The following ANKRD30B variants were observed in gnomAD, a reference collection of about 807,000 sequenced individuals.
ANKRD30B encodes the protein ankyrin repeat domain 30B.
Under a neutral mutation model 202.2 loss-of-function variants are expected in ANKRD30B, and 144 were observed. That is an observed-to-expected ratio of 0.71 (90% CI 0.62 to 0.82). The LOEUF (loss-of-function observed/expected upper bound fraction) is 0.82, where lower values mean the gene tolerates loss of function less well. Ranked by LOEUF, ANKRD30B falls within the 40% of genes least tolerant of loss-of-function variation. The pLI is 0.00. For synonymous variants in ANKRD30B, 508 were observed against 561.3 expected (o/e 0.91, Z 1.34); for missense variants, 1,487 against 1,669.1 (o/e 0.89, Z 1.90).
Position 14,850,380 on chromosome 18 carries a change from C to G in ANKRD30B, c.3562C>G (p.Gln1188Glu). 1.3e-6 allele frequency: 2 copies of G among 1,524,800 alleles called. No individual in the cohort carries two copies. The highest frequency in any genetic ancestry group is 1.8e-6 in the Non-Finnish European group (2 of 1,142,476). The allele number at this position is 1,524,800 out of a possible 1,614,324, so 94.5% of individuals were successfully genotyped here. Residue 1188 changes from glutamine (Q) to glutamate (E), a missense_variant and splice_region_variant, in exon 41 of 44, where the codon CAG (glutamine) becomes GAG (glutamate). Coordinates refer to ENST00000690538, the MANE Select transcript of ANKRD30B (RefSeq NM_001367607.2). ...ELKSVTSNLN[Q>E]VSHTHESEND... The stretch of plus-strand genomic sequence containing the variant: ...GAAAAGTGTAACAAGTAATTTGAAT[C>G]AGGTAAATCAATCTCTGGCAAAAAT...
chr18:14,790,967 T>C (rs1434940008), intron 15 of ANKRD30B, among the ~76,000 whole-genome samples: 1 of 152,216 alleles, frequency 6.6e-6, no homozygotes, highest in Non-Finnish European at 1.5e-5. Flanking sequence ...GAACGAATGG[T>C]ACCAGTTCCT....
chr18:14,817,904 G>A (rs962738453), intron 30 of ANKRD30B, among the ~76,000 whole-genome samples: 2 of 152,110 alleles, frequency 1.3e-5, no homozygotes, highest in Admixed American at 6.5e-5. Flanking sequence ...ATATGGTCAT[G>A]TATTTAGCCT....
the ANKRD30B span, among the ~76,000 whole-genome samples, chr18:14,899,919 G>A: frequency 6.6e-6 from 1 of 152,034 alleles, no homozygotes; most frequent in African/African-American, 2.4e-5. Flanking sequence ...GAACATCATT[G>A]TGACTTCATT....
chr18:14,825,915 C>T (rs1333322162), intron 32 of ANKRD30B, among the ~76,000 whole-genome samples: 2 of 152,120 alleles, frequency 1.3e-5, no homozygotes, highest in Non-Finnish European at 2.9e-5. Flanking sequence ...TAAGTTTCCA[C>T]ATGGGGAATG....
the ANKRD30B span, among the ~76,000 whole-genome samples, chr18:14,937,368 C>T: frequency 3.3e-5 from 5 of 152,272 alleles, no homozygotes; most frequent in South Asian, 2.1e-4. Flanking sequence ...TTAGAGTAAA[C>T]GGGGGTTCAG....
chr18:14,871,119 A>G, the ANKRD30B span, among the ~76,000 whole-genome samples: 55 of 96,214 alleles, frequency 5.7e-4, 1 homozygote, highest in African/African-American at 2.3e-3. Context: ...ACACACTCTC[A>G]CCCACACACC....
At chr18:14,879,736 A>AGGGTTAG in the ANKRD30B span, among the ~76,000 whole-genome samples, 2 of 134,558 alleles carry the variant, frequency 1.5e-5, no homozygotes, top group African/African-American at 2.8e-5. Context: ...TTAAGGGTCC[A>AGGGTTAG]GGGTTAGGGG....
the ANKRD30B span, among the ~76,000 whole-genome samples, chr18:14,910,997 T>G: frequency 6.6e-6 from 1 of 152,214 alleles, no homozygotes; most frequent in Non-Finnish European, 1.5e-5. Context: ...TTGAACTGTT[T>G]GAGTTTCTTT....
At chr18:14,777,918 G>A in intron 9 of ANKRD30B, 67 bp from the exon 10 acceptor site, 1 of 1,151,062 alleles carries the variant, frequency 8.7e-7, no homozygotes, top group Non-Finnish European at 1.3e-6. Flanking sequence ...GCCACCCTGT[G>A]AGACTTCATC....
chr18:14,902,442 A>G, the ANKRD30B span, among the ~76,000 whole-genome samples: 2 of 152,182 alleles, frequency 1.3e-5, no homozygotes, highest in Non-Finnish European at 2.9e-5. Context: ...TAAAGATTGA[A>G]CCTGAAATTC....
Position 14,763,780 on chromosome 18 carries a change from G to A in ANKRD30B, c.915G>A (p.Glu305=). ...AESLLEKTPD[E]AARLVEGTSA... ...GCTTGCTGGAAAAAACACCTGACGAGGCTGCACGCTTGGTGGAGGGAACGT... is the reference window on the plus strand; with the variant it reads ...GCTTGCTGGAAAAAACACCTGACGAAGCTGCACGCTTGGTGGAGGGAACGT... The change falls in exon 7 of 44, where the codon GAG becomes GAA. Residue 305 remains glutamate, a synonymous_variant. Coordinates refer to ENST00000690538, the MANE Select transcript of ANKRD30B (RefSeq NM_001367607.2). 1 of 1,614,052 alleles carries A rather than the reference G, an allele frequency of 6.2e-7. No homozygotes were observed. The highest frequency in any genetic ancestry group is 8.5e-7 in the Non-Finnish European group (1 of 1,180,008).
the ANKRD30B span, among the ~76,000 whole-genome samples, chr18:14,898,028 C>T: frequency 2.0e-5 from 3 of 152,130 alleles, no homozygotes; most frequent in African/African-American, 7.2e-5. Context: ...TTTCACTAAT[C>T]GTGCACTACC....
chr18:14,900,623 AT>A, the ANKRD30B span, among the ~76,000 whole-genome samples: 1 of 152,156 alleles, frequency 6.6e-6, no homozygotes, highest in African/African-American at 2.4e-5. Flanking sequence ...TGGCAATAGA[AT>A]TTTTAGCTGA....
At chr18:14,792,726 T>A (rs1968607437) in intron 16 of ANKRD30B, among the ~76,000 whole-genome samples, 1 of 35,928 alleles carries the variant, frequency 2.8e-5, no homozygotes, top group Non-Finnish European at 5.7e-5. Context: ...CTATGAGGCA[T>A]CAAATATATA....
intron 40 of ANKRD30B, among the ~76,000 whole-genome samples, chr18:14,849,544 A>T (rs1354602887): frequency 6.6e-6 from 1 of 151,728 alleles, no homozygotes; most frequent in Non-Finnish European, 1.5e-5. Flanking sequence ...AATAAAATTA[A>T]TTCAGAGTTC....
the ANKRD30B span, among the ~76,000 whole-genome samples, chr18:14,885,629 C>T: frequency 2.6e-5 from 4 of 151,904 alleles, no homozygotes; most frequent in East Asian, 1.9e-4. Flanking sequence ...TAGGTCCCCT[C>T]GTACATCTTT....
chr18:14,932,428 C>T, the ANKRD30B span, among the ~76,000 whole-genome samples: 1 of 152,154 alleles, frequency 6.6e-6, no homozygotes, highest in Admixed American at 6.5e-5. Context: ...GCTCCGCCTC[C>T]CGGGTTCACG....
chr18:14,831,190 A>AAAAAAAAAAAC (rs1970915645), intron 33 of ANKRD30B, among the ~76,000 whole-genome samples, 193 bp from the exon 34 acceptor site: 1 of 150,776 alleles, frequency 6.6e-6, no homozygotes, highest in Non-Finnish European at 1.5e-5. Context: ...GGAAAAAAAA[A>AAAAAAAAAAAC]AAAAAAAAAA....
chr18:14,892,758 A>AAAAAAAG, the ANKRD30B span, among the ~76,000 whole-genome samples: 2 of 144,080 alleles, frequency 1.4e-5, no homozygotes, highest in Non-Finnish European at 3.0e-5. Context: ...AAAAAAAAAA[A>AAAAAAAG]AAAAAAAAAA....
Sources: allele counts gnomAD v4.1 joint callset (sites outside exome capture counted in the v4.1 genomes callset), GRCh38; gene constraint gnomAD v4.1.1; transcripts MANE v1.5; gene names NCBI Gene and HGNC (gene_info 2026-07-23, HGNC 2026-07-21).